KCNH7: variants seen among roughly 807,000 people sequenced by gnomAD.
KCNH7 encodes the protein potassium voltage-gated channel subfamily H member 7.
KCNH7 carries 49 observed loss-of-function variants against 120.8 expected under a neutral mutation model. That is an observed-to-expected ratio of 0.41 (90% CI 0.32 to 0.51). The LOEUF (loss-of-function observed/expected upper bound fraction) is 0.51. KCNH7 is among the 20% of genes least tolerant of loss of function. KCNH7 has a pLI of 0.38. For synonymous variants in KCNH7, 547 were observed against 516.1 expected, an observed-to-expected ratio of 1.06 and a Z score of -0.81; for missense variants, 1,097 against 1,446.6, an observed-to-expected ratio of 0.76 and a Z score of 3.92.
intron 2 of KCNH7, among the ~76,000 whole-genome samples, chr2:162,702,590 T>C (rs963237683): frequency 1.6e-4 from 24 of 152,332 alleles, no homozygotes; most frequent in Non-Finnish European, 1.8e-4. Flanking sequence ...GTAGACGTGA[T>C]AGGAAAGAAT....
intron 2 of KCNH7, among the ~76,000 whole-genome samples, chr2:162,616,351 C>A (rs1464247064): frequency 6.6e-6 from 1 of 152,146 alleles, no homozygotes; most frequent in East Asian, 1.9e-4. Flanking sequence ...AATACTAAAT[C>A]TTTTAAGTTA....
chr2:162,423,506 C>A lies in KCNH7; in HGVS notation c.1984G>T (p.Val662Leu), dbSNP rs749212573. Residue 662 changes from valine (V) to leucine (L), a missense_variant, in exon 9 of 16, where the codon GTA becomes TTA. Physicochemically the swap from Val to Leu is conservative, Grantham distance 32. This residue lies in a region of KCNH7 where 24 missense variants were observed against 105.8 expected (regional missense o/e 0.23). Transcript: ENST00000332142. ...TATAGTCTTTGGATAATTGCAGATACATTCCCAAAAATGCTTGCATACATT... is the reference window on the plus strand; with the variant it reads ...TATAGTCTTTGGATAATTGCAGATAAATTCCCAAAAATGCTTGCATACATT... ...SLMYASIFGN[V>L]SAIIQRLYSG... 1 of 1,613,898 alleles carries A rather than the reference C, an allele frequency of 6.2e-7. No homozygotes were observed. The highest frequency in any genetic ancestry group is 8.5e-7 in the Non-Finnish European group (1 of 1,179,842).
intron 2 of KCNH7, among the ~76,000 whole-genome samples, chr2:162,830,652 A>G (rs910164664): frequency 5.3e-5 from 8 of 152,258 alleles, no homozygotes; most frequent in African/African-American, 1.9e-4. Flanking sequence ...CAACCCCAAC[A>G]TGAGAGTAGT....
intron 2 of KCNH7, among the ~76,000 whole-genome samples, chr2:162,553,636 G>A (rs890960725): frequency 1.3e-5 from 2 of 151,936 alleles, no homozygotes; most frequent in African/African-American, 2.4e-5. Context: ...GCAACAGAGC[G>A]AGACTGTCTC....
chr2:162,556,791 C>G (rs185654135), intron 2 of KCNH7, among the ~76,000 whole-genome samples: 6 of 152,258 alleles, frequency 3.9e-5, no homozygotes, highest in Admixed American at 3.9e-4. Flanking sequence ...ATTGCAAAAA[C>G]AAATGGAAAT....
At chr2:162,419,940 C>T (rs1244470120) in intron 9 of KCNH7, among the ~76,000 whole-genome samples, 2 of 152,048 alleles carry the variant, frequency 1.3e-5, no homozygotes, top group Admixed American at 1.3e-4. Context: ...CATTGAGATG[C>T]TATCAGTTCT....
chr2:162,411,787 A>G (rs991100701), intron 9 of KCNH7, among the ~76,000 whole-genome samples: 7 of 151,676 alleles, frequency 4.6e-5, no homozygotes, highest in Non-Finnish European at 2.9e-5. Flanking sequence ...TAAAATTGAA[A>G]TCAACTTTTT....
chr2:162,521,929 C>T (rs1691542842), intron 3 of KCNH7, among the ~76,000 whole-genome samples: 1 of 151,850 alleles, frequency 6.6e-6, no homozygotes, highest in Admixed American at 6.6e-5. Context: ...CCTTCCTATC[C>T]TCTGGTAACC....
intron 2 of KCNH7, among the ~76,000 whole-genome samples, chr2:162,551,609 G>C (rs1283417183): frequency 6.6e-6 from 1 of 152,060 alleles, no homozygotes; most frequent in Non-Finnish European, 1.5e-5. Flanking sequence ...AAGGGAAAAA[G>C]AGGAAATTCA....
intron 6 of KCNH7, among the ~76,000 whole-genome samples, chr2:162,466,294 G>A (rs1689302375): frequency 6.6e-6 from 1 of 152,080 alleles, no homozygotes; most frequent in Non-Finnish European, 1.5e-5. Context: ...GCCCAAGACT[G>A]GGTAATTTAT....
At chr2:162,397,466 A>C (rs116798614) in intron 10 of KCNH7, among the ~76,000 whole-genome samples, 1 of 151,836 alleles carries the variant, frequency 6.6e-6, no homozygotes, top group East Asian at 1.9e-4. Flanking sequence ...CTGCCCTTAA[A>C]AAATATGCCC....
At chr2:162,423,015 T>A (rs979054863) in intron 9 of KCNH7, among the ~76,000 whole-genome samples, 7 of 152,038 alleles carry the variant, frequency 4.6e-5, no homozygotes, top group African/African-American at 1.7e-4. Flanking sequence ...TTTTTGGGGG[T>A]GTTGGCAATG....
chr2:162,571,746 T>C (rs1292099116), intron 2 of KCNH7, among the ~76,000 whole-genome samples: 3 of 131,086 alleles, frequency 2.3e-5, no homozygotes, highest in Non-Finnish European at 4.7e-5. Context: ...ACGCCACTTA[T>C]CTACAACTAT....
At chr2:162,379,052 C>A (rs926168454) in intron 14 of KCNH7, among the ~76,000 whole-genome samples, 2 of 152,182 alleles carry the variant, frequency 1.3e-5, no homozygotes, top group South Asian at 4.1e-4. Context: ...CATATGGTTT[C>A]CCTCTTCTCT....
intron 6 of KCNH7, among the ~76,000 whole-genome samples, 162 bp from the exon 7 acceptor site, chr2:162,446,605 A>G (rs1688589582): frequency 6.6e-6 from 1 of 152,158 alleles, no homozygotes; most frequent in Non-Finnish European, 1.5e-5. Flanking sequence ...ACATAAACCC[A>G]TATAAACTTA....
chr2:162,511,353 C>T (rs980743504), intron 5 of KCNH7, among the ~76,000 whole-genome samples: 1 of 151,470 alleles, frequency 6.6e-6, no homozygotes, highest in Admixed American at 6.6e-5. Flanking sequence ...TTGTTAAATC[C>T]TAAAGCTAGT....
At chr2:162,637,199 T>G in intron 2 of KCNH7, among the ~76,000 whole-genome samples, 1 of 152,118 alleles carries the variant, frequency 6.6e-6, no homozygotes. Flanking sequence ...CTTGTTTTCA[T>G]GTGGAGAATT....
At chr2:162,512,710 A>G in intron 4 of KCNH7, 36 bp from the exon 5 acceptor site, 2 of 1,567,366 alleles carry the variant, frequency 1.3e-6, no homozygotes, top group Non-Finnish European at 1.8e-6. Context: ...AAAGAGAAAT[A>G]TAAAAAGAAG....
At chr2:162,641,440 T>G (rs1041148134) in intron 2 of KCNH7, among the ~76,000 whole-genome samples, 3 of 152,166 alleles carry the variant, frequency 2.0e-5, no homozygotes, top group Non-Finnish European at 4.4e-5. Flanking sequence ...CCAGGTGGCA[T>G]GGCTCACACC....
Sources: allele counts gnomAD v4.1 joint callset (sites outside exome capture counted in the v4.1 genomes callset), GRCh38; gene constraint gnomAD v4.1.1; regional missense constraint gnomAD v4.1.1; transcripts MANE v1.5; gene names NCBI Gene and HGNC (gene_info 2026-07-23, HGNC 2026-07-21).